The following SASH1 variants were observed in gnomAD, a reference collection of about 807,000 sequenced individuals.
SASH1 encodes the protein SAM and SH3 domain-containing protein 1.
Under a neutral mutation model 125.2 loss-of-function variants are expected in SASH1, and 44 were observed. The ratio of observed to expected loss-of-function variants is 0.35; its 90% confidence interval spans 0.28 to 0.45. The LOEUF is 0.45. Ranked by LOEUF, SASH1 falls within the 20% of genes least tolerant of loss-of-function variation. SASH1 has a pLI of 1.00. For synonymous variants in SASH1, 639 were observed against 649.1 expected, an observed-to-expected ratio of 0.98 and a Z score of 0.24; for missense variants, 1,426 against 1,614.5, an observed-to-expected ratio of 0.88 and a Z score of 2.00.
chr6:148,304,018 T>C (rs1780049474), intron 1 of SASH1, among the ~76,000 whole-genome samples: 1 of 151,932 alleles, frequency 6.6e-6, no homozygotes, highest in South Asian at 2.1e-4. Context: ...AATAACCAAA[T>C]CGGGGGCCGG....
At chr6:148,508,806 G>T (rs553213912) in intron 8 of SASH1, 1 of 765,148 alleles carries the variant, frequency 1.3e-6, no homozygotes, top group Non-Finnish European at 1.9e-6. Flanking sequence ...GACGCTCTCC[G>T]AGTGGGGAGG....
At chr6:148,252,759 A>G in the SASH1 span, among the ~76,000 whole-genome samples, 3 of 152,216 alleles carry the variant, frequency 2.0e-5, no homozygotes, top group South Asian at 2.1e-4. Context: ...GATTACAGCC[A>G]TGAGCCACCA....
chr6:148,308,904 C>A (rs566844433), intron 1 of SASH1, among the ~76,000 whole-genome samples: 1 of 150,786 alleles, frequency 6.6e-6, no homozygotes, highest in African/African-American at 2.4e-5. Flanking sequence ...ACCAACGTGG[C>A]AAAACCCCAT....
intron 1 of SASH1, among the ~76,000 whole-genome samples, chr6:148,373,607 A>G (rs1422240381): frequency 4.6e-5 from 7 of 152,166 alleles, no homozygotes; most frequent in Admixed American, 4.6e-4. Context: ...GGATCTTTCC[A>G]ACTGTTGTGT....
At chr6:148,226,423 A>T in the SASH1 span, among the ~76,000 whole-genome samples, 1 of 152,186 alleles carries the variant, frequency 6.6e-6, no homozygotes, top group South Asian at 2.1e-4. Context: ...GCCTACATAC[A>T]CATTTAATCG....
rs1782536471 is a variant in SASH1 at position 148,546,036 on chromosome 6, G to A, written c.3370G>A (p.Glu1124Lys). 2 of 1,613,916 alleles carry A rather than the reference G, an allele frequency of 1.2e-6. No individual in the cohort carries two copies. Among genetic ancestry groups the A allele is most frequent in the Admixed American group, 1.7e-5 (1 of 59,954 alleles). ...SDKHGRCGIP[E>K]ALVQRYAEDL... ...GCAGCATGGCCGCTGTGGGATTCCT[G>A]AAGCCCTGGTGCAGAGATACGCAGA... Residue 1124 changes from glutamate (E) to lysine (K), a missense_variant, in exon 19 of 20, where the codon GAA becomes AAA. Glu to Lys is a moderately conservative substitution (Grantham distance 56). Around this residue, in one of 3 missense-constraint regions of SASH1, gnomAD observed 634 missense variants for 694.4 expected, o/e 0.91. Coordinates refer to ENST00000367467, the MANE Select transcript of SASH1 (RefSeq NM_015278.5).
At chr6:148,414,637 C>T (rs573334953) in intron 2 of SASH1, among the ~76,000 whole-genome samples, 1 of 152,280 alleles carries the variant, frequency 6.6e-6, no homozygotes, top group East Asian at 1.9e-4. Flanking sequence ...TGGGTAGTGT[C>T]TGCTCTTGTG....
At chr6:148,224,580 C>A in the SASH1 span, among the ~76,000 whole-genome samples, 1 of 152,102 alleles carries the variant, frequency 6.6e-6, no homozygotes, top group Admixed American at 6.6e-5. Flanking sequence ...AGGCTGGTCT[C>A]AAACTTCTAG....
At chr6:148,397,520 C>T (rs147588664) in intron 2 of SASH1, among the ~76,000 whole-genome samples, 4 of 152,268 alleles carry the variant, frequency 2.6e-5, no homozygotes, top group African/African-American at 9.6e-5. Context: ...AACTTATATA[C>T]ATCTAAATGC....
intron 11 of SASH1, among the ~76,000 whole-genome samples, chr6:148,527,059 AG>A: frequency 6.6e-6 from 1 of 151,854 alleles, no homozygotes; most frequent in Admixed American, 6.6e-5. Context: ...TTTTTAGTAG[AG>A]ACGGGGTTTC....
At chr6:148,208,037 G>A in the SASH1 span, among the ~76,000 whole-genome samples, 6 of 152,172 alleles carry the variant, frequency 3.9e-5, no homozygotes, top group Admixed American at 6.5e-5. Context: ...GAGCACACAC[G>A]TGGATGACCA....
the SASH1 span, among the ~76,000 whole-genome samples, chr6:148,224,740 G>A: frequency 1.3e-5 from 2 of 152,148 alleles, no homozygotes; most frequent in African/African-American, 4.8e-5. Context: ...GTAATATTGG[G>A]AATGAGTAAT....
In SASH1 at chr6:148,540,505, T is replaced by A. The variant is rs1782152461; in HGVS notation, c.2158T>A (p.Cys720Ser). 6.2e-7 allele frequency: 1 copy of A among 1,613,900 alleles called. No homozygotes were observed. Among genetic ancestry groups the A allele is most frequent in the African/African-American group, 1.3e-5 (1 of 74,894 alleles). ...LLVDSQGLSG[C>S]SPRDSGCYES... is the part of the protein sequence containing the mutation. ...CGTTGACAGCCAGGGCCTGAGTGGA[T>A]GCTCACCCCGAGACTCAGGATGCTA... The change falls in exon 17 of 20, where the codon TGC becomes AGC. Residue 720 changes from cysteine to serine, a missense_variant. This residue lies in a region of SASH1 where 634 missense variants were observed against 694.4 expected (regional missense o/e 0.91). Coordinates refer to ENST00000367467, the MANE Select transcript of SASH1 (RefSeq NM_015278.5).
chr6:148,208,704 CTGTT>C, the SASH1 span, among the ~76,000 whole-genome samples: 1 of 152,324 alleles, frequency 6.6e-6, no homozygotes, highest in African/African-American at 2.4e-5. Context: ...TTTTCTGACA[CTGTT>C]TGTTATTTTA....
At chr6:148,364,145 C>G (rs1782357824) in intron 1 of SASH1, among the ~76,000 whole-genome samples, 1 of 152,184 alleles carries the variant, frequency 6.6e-6, no homozygotes, top group Non-Finnish European at 1.5e-5. Flanking sequence ...CCATTACTTC[C>G]TCCAGCTCCA....
At position 148,356,038 on chromosome 6, in the gene SASH1, C is replaced by T. The variant is rs548941168; in HGVS notation, c.156+12815C>T. ...TACCTCATCCTCTTCCACGCTTCCC[C>T]CCAAGTCCCCCAAAGTCCATTGTAT... On this transcript the variant is annotated intron_variant, in intron 1 of 19. Transcript: ENST00000367467. Among the ~76,000 whole-genome samples the T allele has an allele frequency of 2.3e-4, 35 of 151,776 alleles. No homozygotes were observed. In the South Asian group the frequency reaches 6.9e-3, roughly 30 times the overall value.
At chr6:148,207,244 A>G in the SASH1 span, among the ~76,000 whole-genome samples, 11 of 152,322 alleles carry the variant, frequency 7.2e-5, no homozygotes, top group East Asian at 2.1e-3. Flanking sequence ...AGTATACCCA[A>G]TAGGAGCAGT....
chr6:148,347,730 C>T (rs1390062270), intron 1 of SASH1, among the ~76,000 whole-genome samples: 1 of 148,818 alleles, frequency 6.7e-6, no homozygotes, highest in Non-Finnish European at 1.5e-5. Context: ...TTCAAATATT[C>T]TGACTTCACC....
chr6:148,293,046 A>G (rs1249572250), intron 1 of SASH1, among the ~76,000 whole-genome samples: 1 of 150,546 alleles, frequency 6.6e-6, no homozygotes, highest in Non-Finnish European at 1.5e-5. Context: ...ACAGAGTGAT[A>G]CTCCATCTCA....
Sources: gnomAD v4.1 joint callset for allele counts (sites outside exome capture counted in the v4.1 genomes callset) on GRCh38, gnomAD v4.1.1 for gene constraint, gnomAD v4.1.1 regional missense constraint, MANE v1.5 for transcripts, NCBI Gene and HGNC (gene_info 2026-07-23, HGNC 2026-07-21) for gene names.